MAP1B: variants seen among roughly 807,000 people sequenced by gnomAD.
MAP1B encodes the protein microtubule-associated protein 1B.
Under a neutral mutation model 176.1 loss-of-function variants are expected in MAP1B, and 12 were observed. The observed-to-expected ratio is 0.07, with a 90% CI of 0.04 to 0.11. MAP1B has a LOEUF of 0.11. Among genes scored for constraint, MAP1B ranks in the 10% least tolerant of loss-of-function variants. The pLI, the probability that MAP1B is intolerant of heterozygous loss-of-function variation, is 1.00. For synonymous variants in MAP1B, 1,044 were observed against 1,135.0 expected (o/e 0.92, Z 1.61); for missense variants, 2,523 against 2,990.5 (o/e 0.84, Z 3.65).
At position 72,205,441 on chromosome 5, in the gene MAP1B, A is replaced by T; in HGVS notation, c.*202A>T. 1 of 541,470 alleles carries T rather than the reference A, an allele frequency of 1.8e-6. No individual in the cohort carries two copies. Among genetic ancestry groups the T allele is most frequent in the South Asian group, 2.4e-5 (1 of 40,898 alleles). 33.5% of individuals were successfully genotyped at this position (541,470 alleles called of 1,614,324 possible). ...CTAAGGGAAATAACAGTATTTCCAC[A>T]ATAGGGTTCAAATTCCTGCAAAATT... On this transcript the variant is annotated 3_prime_UTR_variant, in exon 7 of 7. Transcript: ENST00000296755.
At chr5:72,140,044 C>G (rs1396593729) in intron 2 of MAP1B, among the ~76,000 whole-genome samples, 3 of 152,138 alleles carry the variant, frequency 2.0e-5, no homozygotes, top group African/African-American at 4.8e-5. Flanking sequence ...TCACTGCAAC[C>G]TCCGCCTCCA....
chr5:72,109,808 T>C (rs1745285852), intron 1 of MAP1B, among the ~76,000 whole-genome samples: 1 of 152,242 alleles, frequency 6.6e-6, no homozygotes, highest in African/African-American at 2.4e-5. Flanking sequence ...CTTGCCTTTG[T>C]ATGGCCATCC....
rs1746897997 is a variant in MAP1B, at chr5:72,186,373, T to C, written c.370-241T>C. 6.6e-6 allele frequency among the ~76,000 whole-genome samples: 1 copy of C among 152,234 alleles called. No homozygotes were observed. Among genetic ancestry groups the C allele is most frequent in the Admixed American group, 6.5e-5 (1 of 15,288 alleles). ...TACTGTCGTGATTGTAGAGAAACTT[T>C]GAAAATGGCATTCTTGGGCAAACTG... is the stretch of plus-strand genomic sequence containing the variant. On this transcript the variant is annotated intron_variant, in intron 3 of 6. Transcript: ENST00000296755. This position sits in a 1 kb window ranked among gnomAD's most constrained non-coding sequence, Gnocchi z 4.3.
intron 2 of MAP1B, among the ~76,000 whole-genome samples, chr5:72,162,068 A>G (rs892379119): frequency 4.6e-5 from 7 of 152,070 alleles, no homozygotes; most frequent in Non-Finnish European, 7.4e-5. Flanking sequence ...ATCACCAGAG[A>G]GTGAAAAGGA....
chr5:72,120,425 CTTT>C (rs775411933), intron 2 of MAP1B, among the ~76,000 whole-genome samples: 13 of 134,370 alleles, frequency 9.7e-5, no homozygotes, highest in Non-Finnish European at 6.5e-5. Context: ...TAGTTTCTTT[CTTT>C]TTTTTTTTTT....
rs1226858960 is a variant in MAP1B, at chr5:72,200,287, C to T, written c.6932C>T (p.Ala2311Val). The T allele has an allele frequency of 1.9e-6, 3 of 1,614,076 alleles. No homozygotes were observed. Among genetic ancestry groups the T allele is most frequent in the Non-Finnish European group, 2.5e-6 (3 of 1,180,056 alleles). ...ACCACCACTCCTGAGGTCAAAGCTG[C>T]ACGTGGGGAAGAGAAAGACAAGGAG... is the stretch of plus-strand genomic sequence containing the variant. ...KPTTTPEVKA[A>V]RGEEKDKETK... The change falls in exon 5 of 7, where the codon GCA becomes GTA. Residue 2311 changes from alanine to valine, a missense_variant. Ala to Val is a moderately conservative substitution (Grantham distance 64). Transcript: ENST00000296755.
intron 3 of MAP1B, among the ~76,000 whole-genome samples, chr5:72,185,207 G>A (rs1024128267): frequency 3.3e-5 from 5 of 152,072 alleles, no homozygotes; most frequent in African/African-American, 1.2e-4. Context: ...CTCAGTTGAC[G>A]GACACTTGAG....
intron 1 of MAP1B, among the ~76,000 whole-genome samples, chr5:72,109,659 C>T (rs1257269601): frequency 6.6e-6 from 1 of 152,208 alleles, no homozygotes; most frequent in Non-Finnish European, 1.5e-5. Context: ...AGAGAACCGG[C>T]TCAAGGTCAC....
chr5:72,112,783 A>T (rs1213236755), intron 1 of MAP1B, among the ~76,000 whole-genome samples: 1 of 152,210 alleles, frequency 6.6e-6, no homozygotes, highest in Admixed American at 6.5e-5. Flanking sequence ...CCACCTGGGT[A>T]AGCCCAGAAG....
At chr5:72,205,034 G>T (rs188531487) in intron 6 of MAP1B, 50 bp from the exon 7 acceptor site, 1 of 1,504,526 alleles carries the variant, frequency 6.6e-7, no homozygotes, top group Admixed American at 2.0e-5. Context: ...TTTTTCATAT[G>T]GTTTCTGTTT....
At chr5:72,128,594 T>C (rs1412274713) in intron 2 of MAP1B, among the ~76,000 whole-genome samples, 1 of 152,198 alleles carries the variant, frequency 6.6e-6, no homozygotes, top group Non-Finnish European at 1.5e-5. Flanking sequence ...CCCAACCATT[T>C]TTTTCTTTCT....
chr5:72,177,863 T>C (rs927960773), intron 2 of MAP1B, among the ~76,000 whole-genome samples: 4 of 152,280 alleles, frequency 2.6e-5, no homozygotes, highest in Non-Finnish European at 4.4e-5. Flanking sequence ...TCAAAAAAAT[T>C]TACTTTGGTA....
chr5:72,197,202 C>G lies in MAP1B; in HGVS notation c.3847C>G (p.Pro1283Ala). 1 of 1,614,198 alleles carries G rather than the reference C, an allele frequency of 6.2e-7. No individual in the cohort carries two copies. The highest frequency in any genetic ancestry group is 8.5e-7 in the Non-Finnish European group (1 of 1,180,034). Residue 1283 changes from proline (P) to alanine (A), a missense_variant, in exon 5 of 7, where the codon CCC becomes GCC. This residue lies in a region of MAP1B where 1,925 missense variants were observed against 2,126.0 expected (regional missense o/e 0.91). Coordinates refer to ENST00000296755, the MANE Select transcript of MAP1B (RefSeq NM_005909.5). Reference protein sequence around the residue: ...GERSVNFSLTPNEIKVSAEAE... With the variant: ...GERSVNFSLTANEIKVSAEAE... ...ACGTAGTGTGAACTTCTCTCTGACGCCCAATGAGATTAAAGTCTCTGCAGA... is the reference window on the plus strand; with the variant it reads ...ACGTAGTGTGAACTTCTCTCTGACGGCCAATGAGATTAAAGTCTCTGCAGA...
chr5:72,171,269 C>G (rs1746532089), intron 2 of MAP1B, among the ~76,000 whole-genome samples: 1 of 151,942 alleles, frequency 6.6e-6, no homozygotes, highest in South Asian at 2.1e-4. Flanking sequence ...ATCTGTGGGC[C>G]AAGAGTTTAA....
chr5:72,179,578 G>A (rs1746723147), intron 2 of MAP1B: 8 of 982,744 alleles, frequency 8.1e-6, no homozygotes, highest in Admixed American at 6.1e-5. Context: ...TGGCACCCAC[G>A]GGTATGCCAG....
At chr5:72,115,974 C>G (rs946879153) in intron 2 of MAP1B, 175 bp downstream of exon 2, 30 of 545,754 alleles carry the variant, frequency 5.5e-5, no homozygotes, top group Non-Finnish European at 8.9e-5. Flanking sequence ...TCTAGGTTAT[C>G]ACTGTGTGGG....
At chr5:72,135,392 G>A (rs927037431) in intron 2 of MAP1B, among the ~76,000 whole-genome samples, 1 of 152,168 alleles carries the variant, frequency 6.6e-6, no homozygotes, top group Non-Finnish European at 1.5e-5. Flanking sequence ...GTGAGTAAAG[G>A]TGGTGGTTTT....
intron 5 of MAP1B, among the ~76,000 whole-genome samples, chr5:72,200,591 C>A (rs1747312315): frequency 6.6e-6 from 1 of 152,180 alleles, no homozygotes; most frequent in African/African-American, 2.4e-5. Flanking sequence ...AGCTGTGATT[C>A]ATCACTGGGA....
chr5:72,150,071 G>T (rs538772543), intron 2 of MAP1B, among the ~76,000 whole-genome samples: 2 of 151,996 alleles, frequency 1.3e-5, no homozygotes, highest in Admixed American at 6.6e-5. Flanking sequence ...ACATACCTAG[G>T]TTTTTACCCA....
Sources: gnomAD v4.1 joint callset for allele counts (sites outside exome capture counted in the v4.1 genomes callset) on GRCh38, gnomAD v4.1.1 for gene constraint, gnomAD v4.1.1 regional missense constraint, Gnocchi (gnomAD v3.1) non-coding constraint, MANE v1.5 for transcripts, NCBI Gene and HGNC (gene_info 2026-07-23, HGNC 2026-07-21) for gene names.